Variants in GNAT1 observed in about 807,000 individuals in gnomAD.
GNAT1 encodes the protein G protein subunit alpha transducin 1.
GNAT1 carries 36 observed loss-of-function variants against 40.0 expected under a neutral mutation model. That is an observed-to-expected ratio of 0.90 (90% CI 0.69 to 1.19). The LOEUF is 1.19. GNAT1 is among the 50% of genes most tolerant of loss of function. The pLI, the probability that GNAT1 is intolerant of heterozygous loss-of-function variation, is 0.00. For synonymous variants in GNAT1, 195 were observed against 192.9 expected (o/e 1.01, Z -0.09); for missense variants, 413 against 480.6 (o/e 0.86, Z 1.32).
At position 50,196,028 on chromosome 3, in the gene GNAT1, TG is replaced by T. The variant is rs1699496519; in HGVS notation, c.*765del. On this transcript the variant is annotated 3_prime_UTR_variant, in exon 9 of 9. Transcript: ENST00000232461. ...ACTTCCCCACCCACACACAGTACCC[TG>T]GGCTGGTTGGACAACAGGATGGTGT... The T allele has an allele frequency of 6.6e-6, 1 of 152,402 alleles. No individual in the cohort carries two copies. Among genetic ancestry groups the T allele is most frequent in the Non-Finnish European group, 1.5e-5 (1 of 68,122 alleles). 9.4% of individuals were successfully genotyped at this position (152,402 alleles called of 1,614,324 possible). A position where few individuals can be genotyped will look rare whatever the true frequency, so the allele number is the denominator to read the frequency against.
At position 50,193,004 on chromosome 3, in the gene GNAT1, C is replaced by T; in HGVS notation, c.107-129C>T. On this transcript the variant is annotated intron_variant, in intron 1 of 8. Transcript: ENST00000232461. The surrounding 1 kb of genome is among the most constrained non-coding windows in gnomAD (Gnocchi z 8.1). ...GGGGGGGTAGGTGTGGCTACGGGGTCGGGGCTGGCGCTCAGGCCTCTTCGC... is the reference window on the plus strand; with the variant it reads ...GGGGGGGTAGGTGTGGCTACGGGGTTGGGGCTGGCGCTCAGGCCTCTTCGC... 3.5e-6 allele frequency: 3 copies of T among 857,762 alleles called. No individual in the cohort carries two copies. Among genetic ancestry groups the T allele is most frequent in the Admixed American group, 2.1e-5 (1 of 48,780 alleles). The allele number at this position is 857,762 out of a possible 1,614,324, so 53.1% of individuals were successfully genotyped here.
At position 50,193,810 on chromosome 3, in the gene GNAT1, C is replaced by G. The variant is rs1470513134; in HGVS notation, c.507C>G (p.Asp169Glu). 3.7e-6 allele frequency: 6 copies of G among 1,612,930 alleles called. No homozygotes were observed. Among genetic ancestry groups the G allele is most frequent in the African/African-American group, 1.3e-5 (1 of 74,926 alleles). The change falls in exon 5 of 9, where the codon GAC becomes GAG. Residue 169 changes from aspartate (D) to glutamate (E), a missense_variant. Physicochemically the swap from Asp to Glu is conservative, Grantham distance 45. Coordinates refer to ENST00000232461, the MANE Select transcript of GNAT1 (RefSeq NM_144499.3). The surrounding 1 kb of genome is among the most constrained non-coding windows in gnomAD (Gnocchi z 8.1). ...VTPGYVPTEQ[D>E]VLRSRVKTTG... ...CGGGCTACGTGCCCACCGAGCAGGA[C>G]GTGCTGCGCTCGCGAGTCAAGACCA...
In GNAT1 at chr3:50,196,512, C is replaced by A. The variant is rs1337997518; in HGVS notation, c.*1246C>A. On this transcript the variant is annotated 3_prime_UTR_variant, in exon 9 of 9. Transcript: ENST00000232461. ...CAGACTCAGCAATAAACCTTTGCAT[C>A]AGGCTCCAGCTGTCCTTTCTTGGTG... The A allele has an allele frequency of 6.6e-6, 1 of 152,618 alleles. No homozygotes were observed. Among genetic ancestry groups the A allele is most frequent in the Non-Finnish European group, 1.5e-5 (1 of 68,044 alleles). 9.5% of individuals were successfully genotyped at this position (152,618 alleles called of 1,614,324 possible).
Position 50,196,161 on chromosome 3 carries a change from G to T in GNAT1, c.*895G>T, listed in dbSNP as rs567722015. 3 of 152,440 alleles carry T rather than the reference G, an allele frequency of 2.0e-5. No homozygotes were observed. In the East Asian group the frequency reaches 5.8e-4, roughly 29 times the overall value. The allele number at this position is 152,440 out of a possible 1,614,324, so 9.4% of individuals were successfully genotyped here. On this transcript the variant is annotated 3_prime_UTR_variant, in exon 9 of 9. Transcript: ENST00000232461. ...TCCAGCTCCCTTGGATCAGCCCAGA[G>T]GATTCAGGATAGGACAAAGGCCCTG...
chr3:50,194,419 C>T lies in GNAT1; in HGVS notation c.709-82C>T. On this transcript the variant is annotated intron_variant, in intron 6 of 8. Coordinates refer to ENST00000232461, the MANE Select transcript of GNAT1 (RefSeq NM_144499.3). This position sits in a 1 kb window ranked among gnomAD's most constrained non-coding sequence, Gnocchi z 6.1. ...CTCTGAGAGCCAGCTGAGCGGGAAGCCCCGCGTGCCCGGGAGCCCAGAGAG... is the reference window on the plus strand; with the variant it reads ...CTCTGAGAGCCAGCTGAGCGGGAAGTCCCGCGTGCCCGGGAGCCCAGAGAG... 1 of 1,508,760 alleles carries T rather than the reference C, an allele frequency of 6.6e-7. No homozygotes were observed. 93.5% of individuals were successfully genotyped at this position (1,508,760 alleles called of 1,614,324 possible). A position where few individuals can be genotyped will look rare whatever the true frequency, so the allele number is the denominator to read the frequency against.
rs1046812370 is a variant in GNAT1, at chr3:50,194,255, G to T, written c.708+34G>T. On this transcript the variant is annotated intron_variant, in intron 6 of 8. Transcript: ENST00000232461. This position sits in a 1 kb window ranked among gnomAD's most constrained non-coding sequence, Gnocchi z 6.1. ...CAGGCAGGGCCTGTGTTCCAGGGGG[G>T]CGAGGAGGAGCTGCTGGTCCCTGGA... 25 of 1,578,430 alleles carry T rather than the reference G, an allele frequency of 1.6e-5. No individual in the cohort carries two copies. The highest frequency in any genetic ancestry group is 1.9e-5 in the Non-Finnish European group (22 of 1,161,598).
Position 50,197,051 on chromosome 3 carries a change from G to T in GNAT1, c.*1785G>T, listed in dbSNP as rs1169700103. 6.6e-6 allele frequency among the ~76,000 whole-genome samples: 1 copy of T among 152,022 alleles called. No individual in the cohort carries two copies. The highest frequency in any genetic ancestry group is 1.9e-4 in the East Asian group (1 of 5,196). ...TTAGTAACCAAGGTAAATAATATTA[G>T]GATAATATTTTTAAAAATCAAATGA... On this transcript the variant is annotated 3_prime_UTR_variant, in exon 9 of 9. Coordinates refer to ENST00000232461, the MANE Select transcript of GNAT1 (RefSeq NM_144499.3).
Position 50,194,946 on chromosome 3 carries a change from C to G in GNAT1, c.1044C>G (p.Gly348=). ...TCAAGGAGAACCTCAAAGACTGTGG[C>G]CTCTTCTGAGGTAGGTCGCTGCCCT... ...IIIKENLKDC[G]LF The change falls in exon 8 of 9, where the codon GGC becomes GGG. Residue 348 remains glycine, a synonymous_variant. Coordinates refer to ENST00000232461, the MANE Select transcript of GNAT1 (RefSeq NM_144499.3). The surrounding 1 kb of genome is among the most constrained non-coding windows in gnomAD (Gnocchi z 6.1). The G allele has an allele frequency of 6.2e-7, 1 of 1,612,190 alleles. No homozygotes were observed. The highest frequency in any genetic ancestry group is 8.5e-7 in the Non-Finnish European group (1 of 1,178,934).
Position 50,194,193 on chromosome 3 carries a change from A to G in GNAT1, c.680A>G (p.Asp227Gly). ...TTCATCGCGGCGCTGAGCGCCTACG[A>G]CATGGTGCTAGTGGAGGACGACGAA... ...IIFIAALSAY[D>G]MVLVEDDEVN... is the part of the protein sequence containing the mutation. The change falls in exon 6 of 9, where the codon GAC becomes GGC. Residue 227 changes from aspartate (D) to glycine (G), a missense_variant. Physicochemically the swap from Asp to Gly is moderately conservative, Grantham distance 94 (BLOSUM62 -1). Coordinates refer to ENST00000232461, the MANE Select transcript of GNAT1 (RefSeq NM_144499.3). The surrounding 1 kb of genome is among the most constrained non-coding windows in gnomAD (Gnocchi z 6.1). The G allele has an allele frequency of 6.2e-7, 1 of 1,612,336 alleles. No homozygotes were observed. Among genetic ancestry groups the G allele is most frequent in the Non-Finnish European group, 8.5e-7 (1 of 1,179,218 alleles).
Position 50,194,756 on chromosome 3 carries a change from C to T in GNAT1, c.863-9C>T, listed in dbSNP as rs1399718902. ...GGGCTGAGCAGAGTGAGAGCTCCCG[C>T]CCCCGCAGGACCCAACACCTACGAG... On this transcript the variant is annotated splice_polypyrimidine_tract_variant and intron_variant, in intron 7 of 8. Coordinates refer to ENST00000232461, the MANE Select transcript of GNAT1 (RefSeq NM_144499.3). The surrounding 1 kb of genome is among the most constrained non-coding windows in gnomAD (Gnocchi z 6.1). 3 of 1,613,296 alleles carry T rather than the reference C, an allele frequency of 1.9e-6. No homozygotes were observed. The highest frequency in any genetic ancestry group is 2.5e-6 in the Non-Finnish European group (3 of 1,179,842).
Position 50,193,816 on chromosome 3 carries a change from G to A in GNAT1, c.513G>A (p.Leu171=). ...PGYVPTEQDV[L]RSRVKTTGII... ...ACGTGCCCACCGAGCAGGACGTGCT[G>A]CGCTCGCGAGTCAAGACCACTGGCA... The change falls in exon 5 of 9, where the codon CTG becomes CTA. Residue 171 remains leucine, a synonymous_variant. Coordinates refer to ENST00000232461, the MANE Select transcript of GNAT1 (RefSeq NM_144499.3). The surrounding 1 kb of genome is among the most constrained non-coding windows in gnomAD (Gnocchi z 8.1). 1 of 1,613,044 alleles carries A rather than the reference G, an allele frequency of 6.2e-7. No homozygotes were observed.
At position 50,191,649 on chromosome 3, in the gene GNAT1, G is replaced by A. The variant is rs1286797074; in HGVS notation, c.-77G>A. The A allele has an allele frequency of 3.7e-6, 4 of 1,075,888 alleles. No homozygotes were observed. Among genetic ancestry groups the A allele is most frequent in the African/African-American group, 3.1e-5 (2 of 64,680 alleles). The allele number at this position is 1,075,888 out of a possible 1,614,324, so 66.6% of individuals were successfully genotyped here. A position where few individuals can be genotyped will look rare whatever the true frequency, so the allele number is the denominator to read the frequency against. Reference sequence around the variant, plus strand: ...CCTCCTGGGGCCAGAAGGGTGCCTGGGAGGCCAGGTTCTGGGGATCCCCTC... The same window carrying A: ...CCTCCTGGGGCCAGAAGGGTGCCTGAGAGGCCAGGTTCTGGGGATCCCCTC... On this transcript the variant is annotated 5_prime_UTR_variant, in exon 1 of 9. Coordinates refer to ENST00000232461, the MANE Select transcript of GNAT1 (RefSeq NM_144499.3).
Position 50,193,064 on chromosome 3 carries a change from T to C in GNAT1, c.107-69T>C, listed in dbSNP as rs1699437429. 1.9e-6 allele frequency: 3 copies of C among 1,551,356 alleles called. No individual in the cohort carries two copies. The South Asian group carries it at 3.3e-5, about 17-fold the overall frequency. On this transcript the variant is annotated intron_variant, in intron 1 of 8. Coordinates refer to ENST00000232461, the MANE Select transcript of GNAT1 (RefSeq NM_144499.3). The surrounding 1 kb of genome is among the most constrained non-coding windows in gnomAD (Gnocchi z 8.1). ...ACCCTGCCAACTCGGGAGGTCCCCG[T>C]CCTCCTGGCCTCCTTGCTGGAGGGG...
At position 50,194,597 on chromosome 3, in the gene GNAT1, G is replaced by T. The variant is rs766541249; in HGVS notation, c.805G>T (p.Val269Phe). ...CGTGCTCTTCCTTAACAAGAAGGACGTCTTCTTCGAGAAGATCAAGAAGGC... is the reference window on the plus strand; with the variant it reads ...CGTGCTCTTCCTTAACAAGAAGGACTTCTTCTTCGAGAAGATCAAGAAGGC... ...SIVLFLNKKD[V>F]FFEKIKKAHL... Residue 269 changes from valine (V) to phenylalanine (F), a missense_variant, in exon 7 of 9, where the codon GTC (valine) becomes TTC (phenylalanine). Transcript: ENST00000232461. The surrounding 1 kb of genome is among the most constrained non-coding windows in gnomAD (Gnocchi z 6.1). The T allele has an allele frequency of 8.7e-6, 14 of 1,613,234 alleles. No homozygotes were observed. Among genetic ancestry groups the T allele is most frequent in the Non-Finnish European group, 1.2e-5 (14 of 1,179,318 alleles).
At position 50,193,363 on chromosome 3, in the gene GNAT1, C is replaced by T. The variant is rs1559746197; in HGVS notation, c.248C>T (p.Ala83Val). 6.2e-7 allele frequency: 1 copy of T among 1,614,146 alleles called. No individual in the cohort carries two copies. ...TLQSILAIVR[A>V]MTTLNIQYGD... ...CAGTCCATCCTGGCCATCGTACGCG[C>T]CATGACCACACTCAACATCCAGTAC... is the stretch of plus-strand genomic sequence containing the variant. The change falls in exon 3 of 9, where the codon GCC (alanine) becomes GTC (valine). Residue 83 changes from alanine to valine, a missense_variant. Physicochemically the swap from Ala to Val is moderately conservative, Grantham distance 64. Transcript: ENST00000232461. The surrounding 1 kb of genome is among the most constrained non-coding windows in gnomAD (Gnocchi z 8.1).
rs762489106 is a variant in GNAT1, at chr3:50,193,325, C to T, written c.210C>T (p.Tyr70=). Residue 70 remains tyrosine (Y), a synonymous_variant, in exon 3 of 9, where the codon TAC becomes TAT. Transcript: ENST00000232461. The surrounding 1 kb of genome is among the most constrained non-coding windows in gnomAD (Gnocchi z 8.1). ...GCCTCGAGTTTATCGCCATCATCTA[C>T]GGCAACACGTTGCAGTCCATCCTGG... ...EECLEFIAII[Y]GNTLQSILAI... 6.2e-7 allele frequency: 1 copy of T among 1,614,068 alleles called. No homozygotes were observed. Among genetic ancestry groups the T allele is most frequent in the Admixed American group, 1.7e-5 (1 of 60,022 alleles).
chr3:50,191,696 C>A lies in GNAT1; in HGVS notation c.-30C>A. ...CCTCCATCCAGAAGAACCACCTGCT[C>A]ACTCTGTCCCTTCGCCTGCTGCTGG... On this transcript the variant is annotated 5_prime_UTR_variant, in exon 1 of 9. Coordinates refer to ENST00000232461, the MANE Select transcript of GNAT1 (RefSeq NM_144499.3). 1.3e-6 allele frequency: 2 copies of A among 1,510,362 alleles called. No individual in the cohort carries two copies. Among genetic ancestry groups the A allele is most frequent in the South Asian group, 1.1e-5 (1 of 89,048 alleles). The allele number at this position is 1,510,362 out of a possible 1,614,324, so 93.6% of individuals were successfully genotyped here.
Position 50,193,935 on chromosome 3 carries a change from C to T in GNAT1, c.578+54C>T. 6.2e-7 allele frequency: 1 copy of T among 1,610,338 alleles called. No homozygotes were observed. Among genetic ancestry groups the T allele is most frequent in the Non-Finnish European group, 8.5e-7 (1 of 1,177,320 alleles). Reference sequence around the variant, plus strand: ...CACTGCCCCAGGCCCCGTCCTGCCCCGGGGACCCCATCCCTGCGATAGACC... The same window carrying T: ...CACTGCCCCAGGCCCCGTCCTGCCCTGGGGACCCCATCCCTGCGATAGACC... On this transcript the variant is annotated intron_variant, in intron 5 of 8. Transcript: ENST00000232461. This position sits in a 1 kb window ranked among gnomAD's most constrained non-coding sequence, Gnocchi z 8.1.
chr3:50,194,384 G>A lies in GNAT1; in HGVS notation c.709-117G>A. On this transcript the variant is annotated intron_variant, in intron 6 of 8. Coordinates refer to ENST00000232461, the MANE Select transcript of GNAT1 (RefSeq NM_144499.3). This position sits in a 1 kb window ranked among gnomAD's most constrained non-coding sequence, Gnocchi z 6.1. The stretch of plus-strand genomic sequence containing the variant: ...GTTCAGCAGGCCCATCTGGGGCAGT[G>A]CGGGGAGCCCTCTGAGAGCCAGCTG... 4 of 1,406,466 alleles carry A rather than the reference G, an allele frequency of 2.8e-6. No homozygotes were observed. In the South Asian group the frequency reaches 4.8e-5, roughly 17 times the overall value. 87.1% of individuals were successfully genotyped at this position (1,406,466 alleles called of 1,614,324 possible). A position where few individuals can be genotyped will look rare whatever the true frequency, so the allele number is the denominator to read the frequency against.
Sources: allele counts gnomAD v4.1 joint callset (sites outside exome capture counted in the v4.1 genomes callset), GRCh38; gene constraint gnomAD v4.1.1; non-coding constraint Gnocchi (gnomAD v3.1); transcripts MANE v1.5; gene names NCBI Gene and HGNC (gene_info 2026-07-23, HGNC 2026-07-21).